Variants in SLAIN2 observed in about 807,000 individuals in gnomAD.
SLAIN2 encodes the protein SLAIN family member 2.
A neutral mutation model predicts 56.6 loss-of-function variants in SLAIN2; 31 were observed. The ratio of observed to expected loss-of-function variants is 0.55; its 90% CI spans 0.41 to 0.74. The LOEUF (loss-of-function observed/expected upper bound fraction) is 0.74, where lower values mean the gene tolerates loss of function less well. Among genes scored for constraint, SLAIN2 ranks in the 30% least tolerant of loss-of-function variants. The pLI, the probability that SLAIN2 is intolerant of heterozygous loss-of-function variation, is 0.00. For synonymous variants in SLAIN2, 317 were observed against 284.9 expected (o/e 1.11, Z -1.13); for missense variants, 777 against 754.2 (o/e 1.03, Z -0.35).
chr4:48,420,518 C>A, intron 7 of SLAIN2, 75 bp downstream of exon 7: 1 of 1,512,334 alleles, frequency 6.6e-7, no homozygotes, highest in Non-Finnish European at 9.0e-7. Context: ...TAGCTTCATC[C>A]GTATGTTTGA....
At chr4:48,357,561 T>TC (rs1372732075) in intron 1 of SLAIN2, among the ~76,000 whole-genome samples, 1 of 150,440 alleles carries the variant, frequency 6.6e-6, no homozygotes, top group Non-Finnish European at 1.5e-5. Context: ...TTTATTTTTT[T>TC]CCCCCAAGAT....
chr4:48,359,516 C>G (rs567951846), intron 1 of SLAIN2, among the ~76,000 whole-genome samples: 1 of 152,322 alleles, frequency 6.6e-6, no homozygotes, highest in Admixed American at 6.5e-5. Context: ...GTCTCCCTTC[C>G]TCTCCCCATT....
intron 6 of SLAIN2, among the ~76,000 whole-genome samples, chr4:48,416,945 T>C (rs1436490303): frequency 5.9e-5 from 6 of 101,380 alleles, no homozygotes; most frequent in African/African-American, 2.3e-4. Flanking sequence ...TTAAAAGAAC[T>C]AGAAAAGCAA....
intron 6 of SLAIN2, among the ~76,000 whole-genome samples, chr4:48,399,536 CTA>C (rs1260631100): frequency 6.6e-6 from 1 of 152,160 alleles, no homozygotes; most frequent in Non-Finnish European, 1.5e-5. Flanking sequence ...CCTTCCAAAA[CTA>C]TGTTGAATAG....
chr4:48,376,704 C>T (rs1216510632), intron 2 of SLAIN2, among the ~76,000 whole-genome samples: 1 of 147,306 alleles, frequency 6.8e-6, no homozygotes, highest in African/African-American at 2.5e-5. Flanking sequence ...TCACTGCAAG[C>T]CCCGCCTCCC....
At chr4:48,419,423 CAG>C (rs972849197) in intron 6 of SLAIN2, among the ~76,000 whole-genome samples, 21 of 152,188 alleles carry the variant, frequency 1.4e-4, no homozygotes, top group Non-Finnish European at 2.9e-4. Context: ...CTTTTTGAAG[CAG>C]AGTCTTGCTC....
chr4:48,349,600 A>G (rs917562027), intron 1 of SLAIN2, among the ~76,000 whole-genome samples: 1 of 152,196 alleles, frequency 6.6e-6, no homozygotes, highest in African/African-American at 2.4e-5. Flanking sequence ...ACTTCTTTGT[A>G]CTTTTTGTGA....
chr4:48,354,726 AGTGCTGGGATTACAGGCATGAACC>A (rs1715112217), intron 1 of SLAIN2, among the ~76,000 whole-genome samples: 3 of 152,110 alleles, frequency 2.0e-5, no homozygotes, highest in Non-Finnish European at 4.4e-5. Context: ...GGCCTCCCAG[AGTGCTGGGATTACAGGCATGAACC>A]AGTGTGCCCA....
At chr4:48,399,049 T>G (rs1285446577) in intron 6 of SLAIN2, among the ~76,000 whole-genome samples, 2 of 152,226 alleles carry the variant, frequency 1.3e-5, no homozygotes, top group Admixed American at 1.3e-4. Context: ...AGTGGTAGTT[T>G]AATGGGAATA....
At chr4:48,348,252 T>TA (rs140882282) in intron 1 of SLAIN2, among the ~76,000 whole-genome samples, 2 of 152,132 alleles carry the variant, frequency 1.3e-5, no homozygotes, top group Non-Finnish European at 2.9e-5. Context: ...TGCACTACCC[T>TA]AAAAAAATTG....
At position 48,420,278 on chromosome 4, in the gene SLAIN2, T is replaced by A. The variant is rs201653477; in HGVS notation, c.1514T>A (p.Met505Lys). 12 of 1,613,932 alleles carry A rather than the reference T, an allele frequency of 7.4e-6. No homozygotes were observed. The Admixed American group carries it at 1.8e-4, about 25-fold the overall frequency. The change falls in exon 7 of 8, where the codon ATG (methionine) becomes AAG (lysine). Residue 505 changes from methionine to lysine, a missense_variant. Transcript: ENST00000264313. The stretch of plus-strand genomic sequence containing the variant: ...ACCACCTCCTCACCTGGGCCTCCTA[T>A]GGTTCAGAGCACAGTCTCAGCAAAT... ...TQTTSSPGPP[M>K]VQSTVSANPP...
At chr4:48,400,290 T>C (rs2109776275) in intron 6 of SLAIN2, among the ~76,000 whole-genome samples, 1 of 152,248 alleles carries the variant, frequency 6.6e-6, no homozygotes, top group East Asian at 1.9e-4. Flanking sequence ...TTTATGTACA[T>C]AGAGGTGTTT....
At chr4:48,344,747 A>C (rs1031330429) in intron 1 of SLAIN2, among the ~76,000 whole-genome samples, 2 of 152,136 alleles carry the variant, frequency 1.3e-5, no homozygotes, top group African/African-American at 4.8e-5. Context: ...ACTCATAATC[A>C]GGAATTCACA....
At chr4:48,416,479 C>T (rs1186976234) in intron 6 of SLAIN2, among the ~76,000 whole-genome samples, 20 of 139,170 alleles carry the variant, frequency 1.4e-4, no homozygotes, top group African/African-American at 5.2e-4. Context: ...ATGGGGTTTT[C>T]TAGATAAACA....
At chr4:48,412,763 C>G (rs575131144) in intron 6 of SLAIN2, among the ~76,000 whole-genome samples, 24 of 152,164 alleles carry the variant, frequency 1.6e-4, no homozygotes, top group African/African-American at 5.8e-4. Flanking sequence ...AAATAATAGT[C>G]GTGTACGTTA....
intron 4 of SLAIN2, 131 bp from the exon 5 acceptor site, chr4:48,382,437 G>A (rs1263192555): frequency 4.6e-6 from 4 of 870,826 alleles, no homozygotes; most frequent in Non-Finnish European, 6.5e-6. Flanking sequence ...AAGTCTAAAA[G>A]CAGAAAGGGA....
chr4:48,375,752 C>T (rs1691468016), intron 2 of SLAIN2, among the ~76,000 whole-genome samples: 1 of 152,162 alleles, frequency 6.6e-6, no homozygotes, highest in African/African-American at 2.4e-5. Context: ...CTGGTTTTAT[C>T]TGTTTTGTCC....
intron 2 of SLAIN2, among the ~76,000 whole-genome samples, chr4:48,373,728 G>C (rs898904644): frequency 3.3e-5 from 5 of 152,112 alleles, no homozygotes; most frequent in African/African-American, 1.2e-4. Context: ...TTAAGATTCA[G>C]AACAACTTAA....
intron 6 of SLAIN2, among the ~76,000 whole-genome samples, chr4:48,393,110 C>T (rs528320809): frequency 2.2e-4 from 33 of 152,070 alleles, no homozygotes; most frequent in East Asian, 7.7e-4. Flanking sequence ...CAGTGGCTCA[C>T]GCATGTAATT....
Sources: gnomAD v4.1 joint callset for allele counts (sites outside exome capture counted in the v4.1 genomes callset) on GRCh38, gnomAD v4.1.1 for gene constraint, MANE v1.5 for transcripts, NCBI Gene and HGNC (gene_info 2026-07-23, HGNC 2026-07-21) for gene names.